The following NAV3 variants were observed in gnomAD, a reference collection of about 807,000 sequenced individuals.
The protein encoded by NAV3 is pore membrane and/or filament interacting like protein 1.
A neutral mutation model predicts 244.7 loss-of-function variants in NAV3; 87 were observed. That is an observed-to-expected ratio of 0.36 (90% CI 0.30 to 0.42). The LOEUF (loss-of-function observed/expected upper bound fraction) is 0.42. Among genes scored for constraint, NAV3 ranks in the 20% least tolerant of loss-of-function variants. The pLI is 1.00. For missense variants in NAV3, 2,663 were observed against 2,893.3 expected (o/e 0.92, Z 1.83); for synonymous variants, 1,126 against 1,042.2 (o/e 1.08, Z -1.55).
At chr12:77,625,803 C>G (rs1871593887) in intron 2 of NAV3, among the ~76,000 whole-genome samples, 1 of 152,090 alleles carries the variant, frequency 6.6e-6, no homozygotes. Flanking sequence ...AAAGTTTTTC[C>G]CTGTGAAATC....
At chr12:77,892,680 G>T in intron 1 of NAV3, among the ~76,000 whole-genome samples, 1 of 152,158 alleles carries the variant, frequency 6.6e-6, no homozygotes, top group East Asian at 1.9e-4. Flanking sequence ...CTCTCAACGT[G>T]CTGGGATTAC....
At chr12:77,789,323 C>A (rs549927795) in intron 2 of NAV3, among the ~76,000 whole-genome samples, 218 of 151,920 alleles carry the variant, frequency 1.4e-3, no homozygotes, top group African/African-American at 5.0e-3. Flanking sequence ...CCTTCCCTTA[C>A]CAATGACACT....
intron 1 of NAV3, among the ~76,000 whole-genome samples, chr12:77,935,013 G>C (rs937464582): frequency 1.3e-5 from 2 of 151,966 alleles, no homozygotes; most frequent in African/African-American, 4.8e-5. Flanking sequence ...GATTATTTAG[G>C]ATTCCTTAAA....
At position 77,831,303 on chromosome 12, in the gene NAV3, T is replaced by G; in HGVS notation, c.-159T>G. ...TACTTAACTAAAGATGCAGGGAAGTTTTGCCTCTTCCTGAAAATTATATTA... is the reference window on the plus strand; with the variant it reads ...TACTTAACTAAAGATGCAGGGAAGTGTTGCCTCTTCCTGAAAATTATATTA... On this transcript the variant is annotated 5_prime_UTR_variant, in exon 1 of 40. Transcript: ENST00000397909. 1 of 693,286 alleles carries G rather than the reference T, an allele frequency of 1.4e-6. No individual in the cohort carries two copies. The allele number at this position is 693,286 out of a possible 1,614,324, so 42.9% of individuals were successfully genotyped here.
intron 2 of NAV3, among the ~76,000 whole-genome samples, chr12:77,668,020 G>A (rs141819138): frequency 6.6e-6 from 1 of 152,322 alleles, no homozygotes; most frequent in African/African-American, 2.4e-5. Context: ...CCACTGGGTG[G>A]CTAGACCCAG....
At chr12:77,656,869 A>T (rs1873135332) in intron 2 of NAV3, among the ~76,000 whole-genome samples, 1 of 152,082 alleles carries the variant, frequency 6.6e-6, no homozygotes, top group Non-Finnish European at 1.5e-5. Flanking sequence ...CTGGGTACAT[A>T]ACAAAATGAA....
intron 2 of NAV3, among the ~76,000 whole-genome samples, chr12:77,788,452 C>T (rs902397508): frequency 6.6e-6 from 1 of 152,112 alleles, no homozygotes; most frequent in Non-Finnish European, 1.5e-5. Flanking sequence ...GGCCAAGTTT[C>T]TTAACCTCTC....
intron 2 of NAV3, among the ~76,000 whole-genome samples, chr12:77,666,662 A>G (rs1053683181): frequency 5.9e-5 from 9 of 152,204 alleles, no homozygotes; most frequent in African/African-American, 2.2e-4. Context: ...AAAGGGATGT[A>G]TTGTGCTTCT....
chr12:78,001,464 T>A (rs564737112), intron 7 of NAV3, among the ~76,000 whole-genome samples: 5 of 152,316 alleles, frequency 3.3e-5, no homozygotes, highest in Admixed American at 3.3e-4. Context: ...TAAAGGTTTA[T>A]TCACAATTAA....
intron 1 of NAV3, among the ~76,000 whole-genome samples, chr12:77,856,661 T>G (rs1189438433): frequency 1.3e-5 from 2 of 152,170 alleles, no homozygotes; most frequent in Admixed American, 1.3e-4. Flanking sequence ...TAATATTAAA[T>G]TATTTTACAA....
chr12:77,626,161 A>G (rs1189064888), intron 2 of NAV3, among the ~76,000 whole-genome samples: 1 of 152,136 alleles, frequency 6.6e-6, no homozygotes, highest in Non-Finnish European at 1.5e-5. Flanking sequence ...TAACAAATAC[A>G]ACTGAGAGCT....
chr12:78,168,676 C>T, intron 23 of NAV3, 79 bp from the exon 24 acceptor site: 1 of 901,872 alleles, frequency 1.1e-6, no homozygotes, highest in South Asian at 1.8e-5. Flanking sequence ...AAAATCAAAC[C>T]TTTTTAATTC....
At chr12:78,105,374 C>T (rs1954750739) in intron 12 of NAV3, among the ~76,000 whole-genome samples, 1 of 151,938 alleles carries the variant, frequency 6.6e-6, no homozygotes, top group African/African-American at 2.4e-5. Context: ...GATAATTGTA[C>T]CAATCATATT....
chr12:77,646,303 AG>A (rs35425669), intron 2 of NAV3, among the ~76,000 whole-genome samples: 1 of 152,178 alleles, frequency 6.6e-6, no homozygotes, highest in South Asian at 2.1e-4. Flanking sequence ...ATATAATTTT[AG>A]GTGAAAAGAG....
At chr12:77,626,489 T>C (rs964251292) in intron 2 of NAV3, among the ~76,000 whole-genome samples, 9 of 152,088 alleles carry the variant, frequency 5.9e-5, no homozygotes, top group Non-Finnish European at 1.0e-4. Context: ...CAAAAAGGTC[T>C]TTATAGCACA....
chr12:78,081,942 T>C (rs902585832), intron 12 of NAV3, among the ~76,000 whole-genome samples: 2 of 152,220 alleles, frequency 1.3e-5, no homozygotes, highest in Non-Finnish European at 2.9e-5. Context: ...CTGGCTAATA[T>C]GGTTTAGCTG....
intron 12 of NAV3, among the ~76,000 whole-genome samples, chr12:78,113,549 TA>T (rs1375234275): frequency 6.6e-6 from 1 of 152,150 alleles, no homozygotes; most frequent in Non-Finnish European, 1.5e-5. Flanking sequence ...GCCATGGCCT[TA>T]GCTGTACCTT....
intron 2 of NAV3, among the ~76,000 whole-genome samples, chr12:77,674,407 A>G (rs1874119179): frequency 1.3e-5 from 2 of 150,766 alleles, no homozygotes; most frequent in Non-Finnish European, 2.9e-5. Context: ...TTTTTTTGAG[A>G]TAAGGTCTCA....
Position 78,197,260 on chromosome 12 carries a change from A to T in NAV3, c.6305A>T (p.Tyr2102Phe). ...DHKSSKELQQ[Y>F]LANLAEQCSA... ...ATTTTTTAAAAGGAATTGCAACAAT[A>T]TCTAGCTAACCTGGCTGAACAGTGC... The change falls in exon 35 of 40, where the codon TAT (tyrosine) becomes TTT (phenylalanine). Residue 2102 changes from tyrosine to phenylalanine, a missense_variant. Around this residue, in one of 6 missense-constraint regions of NAV3, gnomAD observed 543 missense variants for 672.4 expected, o/e 0.81. Transcript: ENST00000397909. 2.6e-6 allele frequency: 4 copies of T among 1,552,436 alleles called. No individual in the cohort carries two copies. Among genetic ancestry groups the T allele is most frequent in the Non-Finnish European group, 3.5e-6 (4 of 1,149,210 alleles).
Sources: allele counts gnomAD v4.1 joint callset (sites outside exome capture counted in the v4.1 genomes callset), GRCh38; gene constraint gnomAD v4.1.1; regional missense constraint gnomAD v4.1.1; transcripts MANE v1.5; gene names NCBI Gene and HGNC (gene_info 2026-07-23, HGNC 2026-07-21).